Variants in KCNMA1 observed in about 807,000 individuals in gnomAD.
The protein encoded by KCNMA1 is Calcium-activated potassium channel subunit alpha-1.
Under a neutral mutation model 140.0 loss-of-function variants are expected in KCNMA1, and 29 were observed. The ratio of observed to expected loss-of-function variants is 0.21; its 90% CI spans 0.15 to 0.28. The LOEUF (loss-of-function observed/expected upper bound fraction) is 0.28. Among genes scored for constraint, KCNMA1 ranks in the 10% least tolerant of loss-of-function variants. The pLI, the probability that KCNMA1 is intolerant of heterozygous loss-of-function variation, is 1.00. For synonymous variants in KCNMA1, 612 were observed against 611.9 expected, an observed-to-expected ratio of 1.00 and a Z score of 0.00; for missense variants, 880 against 1,602.2, an observed-to-expected ratio of 0.55 and a Z score of 7.70.
At chr10:77,027,700 G>A (rs2093587530) in intron 16 of KCNMA1, 123 bp downstream of exon 16, 1 of 838,004 alleles carries the variant, frequency 1.2e-6, no homozygotes, top group Non-Finnish European at 2.1e-6. Context: ...GGGTCAGAGA[G>A]GTTTTACATC....
intron 9 of KCNMA1, among the ~76,000 whole-genome samples, chr10:77,102,860 C>A (rs1019025122): frequency 6.6e-6 from 1 of 152,112 alleles, no homozygotes; most frequent in Admixed American, 6.5e-5. Flanking sequence ...TTAGTTGTAC[C>A]CTTGCTCAGT....
At chr10:77,138,122 T>C (rs561729162) in intron 5 of KCNMA1, among the ~76,000 whole-genome samples, 13 of 152,290 alleles carry the variant, frequency 8.5e-5, no homozygotes, top group African/African-American at 1.7e-4. Context: ...CCACCACCCC[T>C]TGTGGTTCCA....
intron 1 of KCNMA1, among the ~76,000 whole-genome samples, chr10:77,581,862 G>C (rs1440858068): frequency 6.6e-6 from 1 of 152,224 alleles, no homozygotes; most frequent in Non-Finnish European, 1.5e-5. Context: ...CCTCAATGGA[G>C]GAAGACAGCT....
intron 5 of KCNMA1, among the ~76,000 whole-genome samples, chr10:77,139,141 T>C (rs1301503727): frequency 6.6e-6 from 1 of 152,224 alleles, no homozygotes; most frequent in African/African-American, 2.4e-5. Context: ...GCATTAATCC[T>C]TTCAAAGGAA....
rs56364046 is a variant in KCNMA1, at chr10:77,482,991, TACACACACACACACACAC to T, written c.379-78986_379-78969del. ...CTCTCTTCTCTCTCTCTCTCTCACA[TACACACACACACACACAC>T]ACACACACACACACACACACACACA... On this transcript the variant is annotated intron_variant, in intron 1 of 27. Coordinates refer to ENST00000286628, the MANE Select transcript of KCNMA1 (RefSeq NM_001161352.2). Among the ~76,000 whole-genome samples, 836 of 126,842 alleles carry T rather than the reference TACACACACACACACACAC, an allele frequency of 6.6e-3. 4 individuals are homozygous for T. Among genetic ancestry groups the T allele is most frequent in the African/African-American group, 0.01 (332 of 32,586 alleles). 83.2% of individuals were successfully genotyped at this position (126,842 alleles called of 152,430 possible).
intron 16 of KCNMA1, chr10:77,022,896 G>C (rs754398828): frequency 2.2e-5 from 10 of 453,554 alleles, no homozygotes; most frequent in South Asian, 1.6e-4. Context: ...GATGTGTTAA[G>C]TATGAATATG....
At chr10:77,522,408 G>T (rs190958487) in intron 1 of KCNMA1, among the ~76,000 whole-genome samples, 1 of 151,910 alleles carries the variant, frequency 6.6e-6, no homozygotes, top group Admixed American at 6.6e-5. Context: ...CATTTGCCTC[G>T]CCTCCTCCTT....
chr10:77,402,461 T>C (rs908818688), intron 2 of KCNMA1, among the ~76,000 whole-genome samples: 1 of 152,180 alleles, frequency 6.6e-6, no homozygotes. Context: ...TTGCCATCAA[T>C]TGACATCAGC....
At chr10:77,254,555 G>C (rs924483755) in intron 2 of KCNMA1, among the ~76,000 whole-genome samples, 6 of 152,064 alleles carry the variant, frequency 3.9e-5, no homozygotes, top group African/African-American at 1.4e-4. Context: ...TCATTCTTCT[G>C]TAGATTAATC....
intron 3 of KCNMA1, among the ~76,000 whole-genome samples, chr10:77,210,676 T>C (rs2045766338): frequency 6.6e-6 from 1 of 152,178 alleles, no homozygotes; most frequent in Admixed American, 6.5e-5. Flanking sequence ...TAAAGATTCT[T>C]ATAAAAGGCT....
rs2096271660 is a variant in KCNMA1, at chr10:77,073,201, T to C, written c.1645A>G (p.Ile549Val). Residue 549 changes from isoleucine to valine, a missense_variant, in exon 14 of 28, where the codon ATC becomes GTC. Ile to Val is a conservative substitution (Grantham distance 29, BLOSUM62 3). Around this residue, in one of 13 missense-constraint regions of KCNMA1, gnomAD observed 198 missense variants for 580.1 expected, o/e 0.34. Transcript: ENST00000286628. Reference sequence around the variant, plus strand: ...CCCAACTTCAACTCTGCGAGGCAGATTGCGTCATCACCTTCTTTCCAATTC... The same window carrying C: ...CCCAACTTCAACTCTGCGAGGCAGACTGCGTCATCACCTTCTTTCCAATTC... ...SWNWKEGDDA[I>V]CLAELKLGFI... The C allele has an allele frequency of 1.2e-6, 2 of 1,614,088 alleles. No homozygotes were observed. The highest frequency in any genetic ancestry group is 1.7e-6 in the Non-Finnish European group (2 of 1,180,022).
At chr10:77,205,293 A>G (rs2043732328) in intron 3 of KCNMA1, among the ~76,000 whole-genome samples, 1 of 152,202 alleles carries the variant, frequency 6.6e-6, no homozygotes, top group Non-Finnish European at 1.5e-5. Context: ...GAAGCATACT[A>G]GGAGCAAAGC....
chr10:76,943,874 T>A (rs542042117), intron 23 of KCNMA1, among the ~76,000 whole-genome samples: 45 of 152,158 alleles, frequency 3.0e-4, no homozygotes, highest in African/African-American at 1.0e-3. Context: ...ATCAATAAGG[T>A]GATGCTTCAT....
intron 3 of KCNMA1, among the ~76,000 whole-genome samples, chr10:77,211,831 A>T (rs1175046745): frequency 6.6e-6 from 1 of 152,260 alleles, no homozygotes; most frequent in Non-Finnish European, 1.5e-5. Flanking sequence ...CAAGTGGCTA[A>T]CAAACATGAA....
intron 11 of KCNMA1, among the ~76,000 whole-genome samples, chr10:77,085,761 G>A (rs897249111): frequency 6.6e-6 from 1 of 152,174 alleles, no homozygotes; most frequent in Non-Finnish European, 1.5e-5. Context: ...GGTGACCACA[G>A]TTAGCATTTA....
intron 3 of KCNMA1, among the ~76,000 whole-genome samples, chr10:77,199,967 T>C (rs1008495483): frequency 3.9e-5 from 6 of 152,272 alleles, no homozygotes; most frequent in Middle Eastern, 3.4e-3. Flanking sequence ...AATCTAGTTT[T>C]TGAGACAGAG....
chr10:77,412,589 C>T (rs868510679), intron 1 of KCNMA1, among the ~76,000 whole-genome samples: 9 of 152,122 alleles, frequency 5.9e-5, no homozygotes, highest in Admixed American at 1.3e-4. Flanking sequence ...ATCTGGGAGA[C>T]GAGAGGGGGT....
At chr10:77,416,766 T>C (rs2096750998) in intron 1 of KCNMA1, among the ~76,000 whole-genome samples, 1 of 152,146 alleles carries the variant, frequency 6.6e-6, no homozygotes. Context: ...CTCCACATCC[T>C]CAAAGCCTGA....
At chr10:77,057,853 A>G (rs546360244) in intron 14 of KCNMA1, among the ~76,000 whole-genome samples, 38 of 152,030 alleles carry the variant, frequency 2.5e-4, no homozygotes, top group Admixed American at 9.8e-4. Context: ...TCTAATTTTC[A>G]AAACTGAAAC....
Sources: gnomAD v4.1 joint callset for allele counts (sites outside exome capture counted in the v4.1 genomes callset) on GRCh38, gnomAD v4.1.1 for gene constraint, gnomAD v4.1.1 regional missense constraint, MANE v1.5 for transcripts, NCBI Gene and HGNC (gene_info 2026-07-23, HGNC 2026-07-21) for gene names.